Variants in EXOC6B observed in about 807,000 individuals in gnomAD.
EXOC6B encodes exocyst complex component 6B, also known as SEC15 homolog B.
In EXOC6B, 54 loss-of-function variants were observed where a neutral mutation model predicts 113.5. That is an observed-to-expected ratio of 0.48 (90% CI 0.38 to 0.60). The LOEUF is 0.60. Among genes scored for constraint, EXOC6B ranks in the 20% least tolerant of loss-of-function variants. EXOC6B has a pLI of 0.00. For missense variants in EXOC6B, 797 were observed against 977.5 expected (o/e 0.82, Z 2.46); for synonymous variants, 357 against 339.0 (o/e 1.05, Z -0.58).
At chr2:72,815,439 C>G (rs569792499) in intron 1 of EXOC6B, among the ~76,000 whole-genome samples, 1 of 148,764 alleles carries the variant, frequency 6.7e-6, no homozygotes, top group Non-Finnish European at 1.5e-5. Flanking sequence ...TGCAGTGAGC[C>G]AAGATTGCCC....
intron 18 of EXOC6B, among the ~76,000 whole-genome samples, chr2:72,399,128 A>G (rs1433136826): frequency 6.6e-6 from 1 of 152,172 alleles, no homozygotes; most frequent in East Asian, 1.9e-4. Flanking sequence ...AGTGTGTTTT[A>G]TTCCAAAGAT....
intron 18 of EXOC6B, among the ~76,000 whole-genome samples, chr2:72,441,303 A>C (rs1696185260): frequency 6.6e-6 from 1 of 152,236 alleles, no homozygotes; most frequent in South Asian, 2.1e-4. Context: ...CAAAGATCTC[A>C]ATTTAAAAAT....
At chr2:72,266,120 ATT>A (rs1323534677) in intron 20 of EXOC6B, among the ~76,000 whole-genome samples, 1 of 151,872 alleles carries the variant, frequency 6.6e-6, no homozygotes, top group Non-Finnish European at 1.5e-5. Context: ...TTTCTTGTAA[ATT>A]TGTTTGAGTT....
At chr2:72,587,863 A>C (rs1044252831) in intron 6 of EXOC6B, among the ~76,000 whole-genome samples, 3 of 152,066 alleles carry the variant, frequency 2.0e-5, no homozygotes, top group African/African-American at 7.2e-5. Context: ...CAATCTTTTT[A>C]ATGGGCAAAA....
chr2:72,214,598 T>C (rs1364839431), intron 20 of EXOC6B, among the ~76,000 whole-genome samples: 3 of 152,136 alleles, frequency 2.0e-5, no homozygotes, highest in Admixed American at 2.0e-4. Flanking sequence ...CACATTTCTG[T>C]GGAATCATTT....
chr2:72,812,230 A>G (rs1685962528), intron 1 of EXOC6B, among the ~76,000 whole-genome samples: 1 of 152,240 alleles, frequency 6.6e-6, no homozygotes, highest in African/African-American at 2.4e-5. Context: ...ATTTCTATAT[A>G]ATAGAAAATG....
chr2:72,731,472 T>G (rs1680643593), intron 3 of EXOC6B, among the ~76,000 whole-genome samples: 1 of 152,176 alleles, frequency 6.6e-6, no homozygotes, highest in African/African-American at 2.4e-5. Context: ...CTAGGTAAAA[T>G]GAAGTCCTAA....
At chr2:72,541,778 C>G (rs1702618557) in intron 8 of EXOC6B, among the ~76,000 whole-genome samples, 1 of 152,106 alleles carries the variant, frequency 6.6e-6, no homozygotes, top group African/African-American at 2.4e-5. Context: ...TAGTAATATT[C>G]CCAGCTATTA....
intron 6 of EXOC6B, among the ~76,000 whole-genome samples, chr2:72,668,132 A>G (rs1466662181): frequency 6.6e-6 from 1 of 152,226 alleles, no homozygotes; most frequent in African/African-American, 2.4e-5. Context: ...ACCACTAATC[A>G]TTACAGAAAT....
intron 20 of EXOC6B, among the ~76,000 whole-genome samples, chr2:72,282,620 A>G (rs961044249): frequency 1.3e-5 from 2 of 152,252 alleles, no homozygotes; most frequent in South Asian, 4.1e-4. Context: ...CCAATTAAAA[A>G]GCAGACCTTA....
At chr2:72,219,291 GAAGAGGGC>G (rs1680724847) in intron 20 of EXOC6B, among the ~76,000 whole-genome samples, 1 of 151,846 alleles carries the variant, frequency 6.6e-6, no homozygotes, top group African/African-American at 2.4e-5. Flanking sequence ...GGAGGAGGGG[GAAGAGGGC>G]AGGACTATAT....
chr2:72,519,305 TG>T (rs1224879468), intron 8 of EXOC6B, among the ~76,000 whole-genome samples: 2 of 152,198 alleles, frequency 1.3e-5, no homozygotes, highest in Admixed American at 1.3e-4. Context: ...TTGCACTTTT[TG>T]TTGATGATTT....
At chr2:72,196,330 C>CCTAACTTTAA (rs1679166101) in intron 20 of EXOC6B, among the ~76,000 whole-genome samples, 1 of 151,946 alleles carries the variant, frequency 6.6e-6, no homozygotes, top group Non-Finnish European at 1.5e-5. Context: ...ATTAAGGGAT[C>CCTAACTTTAA]GTAAAGCAGG....
intron 20 of EXOC6B, among the ~76,000 whole-genome samples, chr2:72,245,638 G>A (rs1246768760): frequency 6.6e-6 from 1 of 152,150 alleles, no homozygotes; most frequent in Non-Finnish European, 1.5e-5. Flanking sequence ...TAGTTGCCAG[G>A]GGTTCAGGGA....
chr2:72,325,698 G>A (rs893524278), intron 20 of EXOC6B, among the ~76,000 whole-genome samples: 1 of 152,006 alleles, frequency 6.6e-6, no homozygotes, highest in South Asian at 2.1e-4. Flanking sequence ...CCTGATTCCT[G>A]TTCTATCTTC....
chr2:72,240,161 C>T (rs1399696552), intron 20 of EXOC6B, among the ~76,000 whole-genome samples: 1 of 152,126 alleles, frequency 6.6e-6, no homozygotes, highest in Non-Finnish European at 1.5e-5. Flanking sequence ...ATCTGAATGC[C>T]TTCTATTTCC....
chr2:72,663,372 CAT>C (rs1437125224), intron 6 of EXOC6B, among the ~76,000 whole-genome samples: 3 of 152,118 alleles, frequency 2.0e-5, no homozygotes, highest in Non-Finnish European at 2.9e-5. Context: ...TAGTGAAAAA[CAT>C]GTGACTATAA....
intron 20 of EXOC6B, 94 bp downstream of exon 20, chr2:72,334,853 C>G: frequency 8.2e-7 from 1 of 1,225,112 alleles, no homozygotes; most frequent in Non-Finnish European, 1.2e-6. Flanking sequence ...ATCGCCAACG[C>G]CAATCCCCCT....
At position 72,567,273 on chromosome 2, in the gene EXOC6B, G is replaced by A. The variant is rs1573407438; in HGVS notation, c.847-7752C>T. Among the ~76,000 whole-genome samples the A allele has an allele frequency of 2.0e-5, 3 of 151,946 alleles. 1 individual carries two copies. In the East Asian group the frequency reaches 5.8e-4, roughly 29 times the overall value. ...ACTCTGAACTATACAGATTTAGTGG[G>A]ATACACTGTAGGATCAAAAGAACTG... On this transcript the variant is annotated intron_variant, in intron 7 of 21. Transcript: ENST00000272427.
Sources: allele counts gnomAD v4.1 joint callset (sites outside exome capture counted in the v4.1 genomes callset), GRCh38; gene constraint gnomAD v4.1.1; transcripts MANE v1.5; gene names NCBI Gene and HGNC (gene_info 2026-07-23, HGNC 2026-07-21).